CALCOCO2: variants seen among roughly 807,000 people sequenced by gnomAD.
CALCOCO2 encodes the protein calcium binding and coiled-coil domain 2.
CALCOCO2 carries 42 observed loss-of-function variants against 62.5 expected under a neutral mutation model. The observed-to-expected ratio is 0.67, with a 90% confidence interval of 0.53 to 0.87. CALCOCO2 has a LOEUF of 0.87. Ranked by LOEUF, CALCOCO2 falls within the 40% of genes least tolerant of loss-of-function variation. CALCOCO2 has a pLI of 0.00. For synonymous variants in CALCOCO2, 167 were observed against 173.0 expected (o/e 0.97, Z 0.27); for missense variants, 456 against 515.0 (o/e 0.89, Z 1.11).
chr17:48,852,098 A>G (rs111336045), intron 7 of CALCOCO2, among the ~76,000 whole-genome samples: 1,782 of 151,268 alleles, frequency 0.012, 36 homozygotes, highest in African/African-American at 0.04. Context: ...AGATTGCACC[A>G]CTGCACTCCA....
chr17:48,852,679 C>A, intron 8 of CALCOCO2, 51 bp downstream of exon 8: 1 of 1,551,728 alleles, frequency 6.4e-7, no homozygotes, highest in Non-Finnish European at 8.8e-7. Context: ...AGAAAATATA[C>A]GTTGTTCTTT....
At chr17:48,860,240 G>T in intron 10 of CALCOCO2, 74 bp from the exon 11 acceptor site, 2 of 1,188,224 alleles carry the variant, frequency 1.7e-6, no homozygotes, top group Non-Finnish European at 2.4e-6. Flanking sequence ...CCTGGGAGGG[G>T]CATCTCCTAG....
At chr17:48,853,082 A>C in intron 9 of CALCOCO2, 70 bp downstream of exon 9, 1 of 1,025,306 alleles carries the variant, frequency 9.8e-7, no homozygotes, top group Non-Finnish European at 1.5e-6. Flanking sequence ...ATATGGGCCT[A>C]TTTTCCGGTT....
intron 1 of CALCOCO2, among the ~76,000 whole-genome samples, chr17:48,835,669 T>C (rs2039879963): frequency 1.3e-5 from 2 of 152,222 alleles, no homozygotes; most frequent in African/African-American, 4.8e-5. Context: ...TGTCTATATA[T>C]GTGCTGTCCT....
chr17:48,855,863 CAAA>C (rs11463396), intron 9 of CALCOCO2: 1,265 of 166,894 alleles, frequency 7.6e-3, no homozygotes, highest in East Asian at 0.014. Flanking sequence ...TCAGCTAAAC[CAAA>C]AAAAAAAAAA....
At chr17:48,838,669 G>A (rs1366125115) in intron 1 of CALCOCO2, among the ~76,000 whole-genome samples, 5 of 151,990 alleles carry the variant, frequency 3.3e-5, no homozygotes, top group Non-Finnish European at 5.9e-5. Flanking sequence ...AGCCGAGATC[G>A]CGCCACTGCA....
chr17:48,851,969 T>TA (rs1425175879), intron 7 of CALCOCO2, among the ~76,000 whole-genome samples: 1 of 151,954 alleles, frequency 6.6e-6, no homozygotes, highest in Non-Finnish European at 1.5e-5. Flanking sequence ...CCGTCTCTAC[T>TA]AAAAATACAA....
At chr17:48,832,980 G>A (rs1387557500) in intron 1 of CALCOCO2, among the ~76,000 whole-genome samples, 2 of 152,176 alleles carry the variant, frequency 1.3e-5, no homozygotes, top group East Asian at 3.9e-4. Flanking sequence ...CTCCTGGGGT[G>A]TAAAATTTTT....
intron 5 of CALCOCO2, 104 bp from the exon 6 acceptor site, chr17:48,850,985 C>T (rs2040121475): frequency 1.5e-6 from 1 of 683,394 alleles, no homozygotes; most frequent in African/African-American, 1.8e-5. Flanking sequence ...TCATGCTATG[C>T]CTGACATATA....
chr17:48,860,285 CA>C (rs2040308974), intron 10 of CALCOCO2, 28 bp from the exon 11 acceptor site: 1 of 1,603,226 alleles, frequency 6.2e-7, no homozygotes, highest in Admixed American at 1.7e-5. Flanking sequence ...TATTGTCTTT[CA>C]ACATGTCTAT....
Position 48,864,031 on chromosome 17 carries a change from G to T in CALCOCO2, c.*1026G>T, listed in dbSNP as rs1359397999. 4 of 146,852 alleles carry T rather than the reference G, an allele frequency of 2.7e-5. No homozygotes were observed. The highest frequency in any genetic ancestry group is 1.0e-4 in the African/African-American group (4 of 40,162). 9.1% of individuals were successfully genotyped at this position (146,852 alleles called of 1,614,324 possible). A position where few individuals can be genotyped will look rare whatever the true frequency, so the allele number is the denominator to read the frequency against. ...TGGGGAAGGAGGTGATGAAACATTA[G>T]TTTGTGAAATCCAAGGCCCTGGCTT... is the stretch of plus-strand genomic sequence containing the variant. On this transcript the variant is annotated 3_prime_UTR_variant, in exon 13 of 13. Transcript: ENST00000258947.
chr17:48,855,786 A>G lies in CALCOCO2; in HGVS notation c.913-306A>G, dbSNP rs1460045392. 1.7e-5 allele frequency: 3 copies of G among 177,708 alleles called. No homozygotes were observed. The Admixed American group carries it at 1.8e-4, about 11-fold the overall frequency. 11.0% of individuals were successfully genotyped at this position (177,708 alleles called of 1,614,324 possible). A position where few individuals can be genotyped will look rare whatever the true frequency, so the allele number is the denominator to read the frequency against. The stretch of plus-strand genomic sequence containing the variant: ...ATTCAACAAGGTTTCATTTATCCCT[A>G]ATTCTGATAAGTCAGTCTTGAGATT... On this transcript the variant is annotated intron_variant, in intron 9 of 12. Coordinates refer to ENST00000258947, the MANE Select transcript of CALCOCO2 (RefSeq NM_005831.5).
intron 1 of CALCOCO2, chr17:48,831,444 A>G (rs2039810145): frequency 6.6e-6 from 1 of 152,216 alleles, no homozygotes; most frequent in Non-Finnish European, 1.5e-5. Context: ...TGGTTCCGTA[A>G]TCCCTCGCCT....
Position 48,851,605 on chromosome 17 carries a change from G to A in CALCOCO2, c.679G>A (p.Gly227Arg), listed in dbSNP as rs2303016. The A allele has an allele frequency of 4.6e-5, 73 of 1,601,602 alleles. No individual in the cohort carries two copies. In the East Asian group the frequency reaches 1.4e-3, roughly 31 times the overall value. ...GATGTCCTCAGAAAATGAGAAGATG[G>A]GAATCAGAGTGGATCAGCTTCAGGT... is the stretch of plus-strand genomic sequence containing the variant. ...QKMSSENEKM[G>R]IRVDQLQAQL... The change falls in exon 7 of 13, where the codon GGA becomes AGA. Residue 227 changes from glycine to arginine, a missense_variant. By Grantham distance (125) the Gly-to-Arg change is moderately radical. Transcript: ENST00000258947.
intron 2 of CALCOCO2, chr17:48,847,828 G>A (rs1157298635): frequency 2.9e-6 from 1 of 343,468 alleles, no homozygotes; most frequent in African/African-American, 2.2e-5. Context: ...CTTATTTTTT[G>A]TATTTTAATG....
intron 2 of CALCOCO2, among the ~76,000 whole-genome samples, chr17:48,847,543 A>G (rs1458906418): frequency 1.3e-5 from 2 of 152,326 alleles, no homozygotes; most frequent in African/African-American, 4.8e-5. Flanking sequence ...TTTTGGTTGT[A>G]TCAGACATTT....
chr17:48,860,315 T>C lies in CALCOCO2; in HGVS notation c.1010T>C (p.Leu337Pro), dbSNP rs199932662. 6 of 1,613,616 alleles carry C rather than the reference T, an allele frequency of 3.7e-6. No homozygotes were observed. The highest frequency in any genetic ancestry group is 3.3e-5 in the Admixed American group (2 of 59,968). Residue 337 changes from leucine to proline, a missense_variant and splice_region_variant, in exon 11 of 13, where the codon CTT becomes CCT. Leu to Pro is a moderately conservative substitution (Grantham distance 98). Around this residue, in one of 3 missense-constraint regions of CALCOCO2, gnomAD observed 172 missense variants for 210.3 expected, o/e 0.82. Transcript: ENST00000258947. ...TGTCTATAAATCCTCTATCCTTAGC[T>C]TTTGAAGAGGGAGAACAGCAGATTG... ...QKERLEGEND[L>P]LKRENSRLLS...
chr17:48,857,974 C>CAATAGAATAG (rs1555573799), intron 10 of CALCOCO2, among the ~76,000 whole-genome samples: 458 of 39,868 alleles, frequency 0.011, 33 homozygotes, highest in Middle Eastern at 0.019. Context: ...AAGACTACAT[C>CAATAGAATAG]AATAGAATAG....
intron 10 of CALCOCO2, 122 bp downstream of exon 10, chr17:48,856,309 T>A (rs1193399755): frequency 1.0e-5 from 6 of 590,320 alleles, no homozygotes; most frequent in Non-Finnish European, 1.2e-5. Flanking sequence ...GGTGAAACAG[T>A]TGTTCCTAAA....
Sources: gnomAD v4.1 joint callset for allele counts (sites outside exome capture counted in the v4.1 genomes callset) on GRCh38, gnomAD v4.1.1 for gene constraint, gnomAD v4.1.1 regional missense constraint, MANE v1.5 for transcripts, NCBI Gene and HGNC (gene_info 2026-07-23, HGNC 2026-07-21) for gene names.